The following EFCAB11 variants were observed in gnomAD, a reference collection of about 807,000 sequenced individuals.
EFCAB11 encodes EF-hand calcium binding domain 11.
Under a neutral mutation model 23.0 loss-of-function variants are expected in EFCAB11, and 14 were observed. The ratio of observed to expected loss-of-function variants is 0.61; its 90% confidence interval spans 0.40 to 0.95. The LOEUF is 0.95. EFCAB11 is among the 40% of genes least tolerant of loss of function. EFCAB11 has a pLI of 0.00. For synonymous variants in EFCAB11, 65 were observed against 66.6 expected, an observed-to-expected ratio of 0.98 and a Z score of 0.11; for missense variants, 198 against 195.8, an observed-to-expected ratio of 1.01 and a Z score of -0.07.
chr14:89,865,470 G>A (rs1888058067), intron 5 of EFCAB11, among the ~76,000 whole-genome samples: 1 of 151,920 alleles, frequency 6.6e-6, no homozygotes, highest in Admixed American at 6.6e-5. Flanking sequence ...GAGAGAGAGA[G>A]ATACTTTATT....
At chr14:89,885,715 A>AAG (rs1304336591) in intron 5 of EFCAB11, among the ~76,000 whole-genome samples, 7 of 146,480 alleles carry the variant, frequency 4.8e-5, no homozygotes, top group African/African-American at 1.8e-4. Context: ...GAGAGAAAGA[A>AAG]AGAGAGAGAG....
At chr14:89,839,460 G>A (rs1887189142) in intron 5 of EFCAB11, among the ~76,000 whole-genome samples, 1 of 152,176 alleles carries the variant, frequency 6.6e-6, no homozygotes, top group Admixed American at 6.5e-5. Flanking sequence ...CTCTCTGTTA[G>A]TCTGCCACAG....
At chr14:89,952,429 C>A in intron 2 of EFCAB11, 1 of 985,394 alleles carries the variant, frequency 1.0e-6, no homozygotes, top group Non-Finnish European at 1.2e-6. Flanking sequence ...GCTTCACAGG[C>A]TGACTCTTTT....
chr14:89,851,967 A>C (rs183597505), intron 5 of EFCAB11, among the ~76,000 whole-genome samples: 1 of 152,376 alleles, frequency 6.6e-6, no homozygotes, highest in East Asian at 1.9e-4. Flanking sequence ...ATCGAATGCC[A>C]AAAGAGTCTT....
At chr14:89,891,348 A>G (rs766559401) in intron 5 of EFCAB11, among the ~76,000 whole-genome samples, 10 of 152,210 alleles carry the variant, frequency 6.6e-5, no homozygotes, top group Non-Finnish European at 1.0e-4. Flanking sequence ...ATAGAAAACT[A>G]TAAGATGTAA....
At chr14:89,935,474 A>C (rs1890549120) in intron 3 of EFCAB11, among the ~76,000 whole-genome samples, 1 of 148,488 alleles carries the variant, frequency 6.7e-6, no homozygotes. Context: ...AGTCACAGGC[A>C]TGGCCACAGC....
intron 4 of EFCAB11, 72 bp from the exon 5 acceptor site, chr14:89,931,703 T>C: frequency 1.5e-6 from 2 of 1,329,874 alleles, no homozygotes; most frequent in Non-Finnish European, 2.1e-6. Flanking sequence ...GCCATAACAT[T>C]TGTGCAAAAC....
At chr14:89,900,983 C>T (rs867496990) in intron 5 of EFCAB11, among the ~76,000 whole-genome samples, 9 of 152,048 alleles carry the variant, frequency 5.9e-5, no homozygotes, top group African/African-American at 1.9e-4. Flanking sequence ...TATGAAGACA[C>T]GGGGAAAGGA....
chr14:89,874,342 C>T lies in EFCAB11; in HGVS notation c.410+57199G>A, dbSNP rs372617527. 8.5e-5 allele frequency among the ~76,000 whole-genome samples: 13 copies of T among 152,276 alleles called. No homozygotes were observed. The South Asian group carries it at 1.9e-3, about 22-fold the overall frequency. The stretch of plus-strand genomic sequence containing the variant: ...TTTTCCTCCTAGGCCTCTGGGCCTG[C>T]GATGGGAGGGGCTGGCATAAGGGTC... On this transcript the variant is annotated intron_variant, in intron 5 of 5. Coordinates refer to ENST00000316738, the MANE Select transcript of EFCAB11 (RefSeq NM_145231.4).
At chr14:89,840,745 T>G in intron 5 of EFCAB11, among the ~76,000 whole-genome samples, 1 of 152,182 alleles carries the variant, frequency 6.6e-6, no homozygotes, top group East Asian at 1.9e-4. Context: ...GATCTCTTAA[T>G]GGCAGCGGCG....
chr14:89,798,137 A>G (rs1259186297), intron 5 of EFCAB11, among the ~76,000 whole-genome samples: 1 of 152,256 alleles, frequency 6.6e-6, no homozygotes. Flanking sequence ...GCCACTAATC[A>G]CTGTAATAGT....
intron 5 of EFCAB11, among the ~76,000 whole-genome samples, chr14:89,820,425 C>T (rs1223687009): frequency 6.6e-6 from 1 of 152,004 alleles, no homozygotes; most frequent in African/African-American, 2.4e-5. Flanking sequence ...TTCCACCGCC[C>T]CCACCACTCT....
At chr14:89,887,984 T>C (rs1376835178) in intron 5 of EFCAB11, among the ~76,000 whole-genome samples, 2 of 152,244 alleles carry the variant, frequency 1.3e-5, no homozygotes, top group Non-Finnish European at 2.9e-5. Flanking sequence ...TTATCAGCTA[T>C]ATCCCAGATG....
intron 3 of EFCAB11, among the ~76,000 whole-genome samples, chr14:89,933,842 G>A (rs1382848819): frequency 6.6e-6 from 1 of 152,204 alleles, no homozygotes; most frequent in African/African-American, 2.4e-5. Flanking sequence ...GAATCCTCAT[G>A]TCAAGTAGAC....
intron 5 of EFCAB11, among the ~76,000 whole-genome samples, chr14:89,847,626 C>T (rs1046101368): frequency 2.6e-5 from 4 of 151,676 alleles, no homozygotes; most frequent in Admixed American, 2.6e-4. Context: ...GTAATTCCAG[C>T]TACTCAGGAG....
chr14:89,937,706 A>G (rs944208135), intron 3 of EFCAB11, among the ~76,000 whole-genome samples: 42 of 151,992 alleles, frequency 2.8e-4, no homozygotes, highest in African/African-American at 9.9e-4. Context: ...TTGTATTTTT[A>G]GTAGAGACGG....
intron 5 of EFCAB11, among the ~76,000 whole-genome samples, chr14:89,827,885 G>A (rs1447293705): frequency 2.6e-5 from 4 of 152,050 alleles, no homozygotes; most frequent in African/African-American, 7.2e-5. Context: ...CGCCTGCCTC[G>A]GCCTCCCAAA....
At chr14:89,836,275 TG>T (rs1887075535) in intron 5 of EFCAB11, 1 of 228,242 alleles carries the variant, frequency 4.4e-6, no homozygotes, top group Non-Finnish European at 8.8e-6. Flanking sequence ...TCTCATCTTT[TG>T]CTCTAGAGTC....
intron 5 of EFCAB11, among the ~76,000 whole-genome samples, chr14:89,803,758 T>G (rs1885868240): frequency 6.6e-6 from 1 of 152,178 alleles, no homozygotes; most frequent in Non-Finnish European, 1.5e-5. Flanking sequence ...CAATTGAAGA[T>G]GTAATGATGA....
Sources: allele counts gnomAD v4.1 joint callset (sites outside exome capture counted in the v4.1 genomes callset), GRCh38; gene constraint gnomAD v4.1.1; transcripts MANE v1.5; gene names NCBI Gene and HGNC (gene_info 2026-07-23, HGNC 2026-07-21).